TBC1D30: variants seen among roughly 807,000 people sequenced by gnomAD.
TBC1D30 encodes TBC1 domain family, member 30.
TBC1D30 carries 31 observed loss-of-function variants against 63.2 expected under a neutral mutation model. That is an observed-to-expected ratio of 0.49 (90% CI 0.37 to 0.66). The LOEUF (loss-of-function observed/expected upper bound fraction) is 0.66. TBC1D30 is among the 30% of genes least tolerant of loss of function. The pLI is 0.00. For missense variants in TBC1D30, 810 were observed against 953.6 expected (o/e 0.85, Z 1.98); for synonymous variants, 307 against 361.5 (o/e 0.85, Z 1.71).
In TBC1D30 at chr12:64,870,823, C is replaced by G; in HGVS notation, c.1498+15C>G. 6.5e-7 allele frequency: 1 copy of G among 1,534,830 alleles called. No homozygotes were observed. On this transcript the variant is annotated intron_variant, in intron 11 of 11. Transcript: ENST00000539867. Reference sequence around the variant, plus strand: ...CATCAGGGCAGGTAATGTGATTCTTCATTTGAATCAATTTCAGCTCTATCT... The same window carrying G: ...CATCAGGGCAGGTAATGTGATTCTTGATTTGAATCAATTTCAGCTCTATCT...
intron 5 of TBC1D30, among the ~76,000 whole-genome samples, chr12:64,834,717 T>C (rs1295381285): frequency 6.8e-6 from 1 of 147,424 alleles, no homozygotes; most frequent in African/African-American, 2.5e-5. Flanking sequence ...CTTTTTTTTT[T>C]TTTTTTTTTT....
intron 2 of TBC1D30, among the ~76,000 whole-genome samples, chr12:64,812,355 A>C (rs1035094538): frequency 6.6e-6 from 1 of 152,214 alleles, no homozygotes; most frequent in Non-Finnish European, 1.5e-5. Context: ...CAATTGGTAT[A>C]TGGCAGTAGT....
At chr12:64,861,398 A>AT (rs200431580) in intron 8 of TBC1D30, among the ~76,000 whole-genome samples, 214 of 151,528 alleles carry the variant, frequency 1.4e-3, no homozygotes, top group African/African-American at 3.1e-3. Flanking sequence ...ATATTCATTC[A>AT]TTTTTTTTTA....
intron 3 of TBC1D30, among the ~76,000 whole-genome samples, chr12:64,829,768 G>T (rs1209592025): frequency 6.6e-6 from 1 of 152,080 alleles, no homozygotes; most frequent in Non-Finnish European, 1.5e-5. Context: ...AAAATTGAGG[G>T]TTCCTCAAAA....
chr12:64,868,795 G>T (rs1182791357), intron 10 of TBC1D30: 1 of 168,242 alleles, frequency 5.9e-6, no homozygotes, highest in Non-Finnish European at 1.3e-5. Flanking sequence ...AATCTTTGAG[G>T]ACAGCTATCA....
At chr12:64,849,336 A>G (rs946391309) in intron 8 of TBC1D30, among the ~76,000 whole-genome samples, 2 of 152,264 alleles carry the variant, frequency 1.3e-5, no homozygotes, top group South Asian at 2.1e-4. Context: ...TGTTTTAGTC[A>G]TGAAGTCTTT....
intron 2 of TBC1D30, among the ~76,000 whole-genome samples, chr12:64,792,371 T>C (rs1470234427): frequency 6.6e-6 from 1 of 152,220 alleles, no homozygotes; most frequent in Non-Finnish European, 1.5e-5. Context: ...TATATGGTTC[T>C]GAAAAACAGA....
chr12:64,770,051 C>T (rs888119730), intron 1 of TBC1D30, among the ~76,000 whole-genome samples: 1 of 152,138 alleles, frequency 6.6e-6, no homozygotes, highest in Non-Finnish European at 1.5e-5. Flanking sequence ...CATTCTATCA[C>T]CGTATCTCTA....
intron 1 of TBC1D30, 106 bp from the exon 2 acceptor site, chr12:64,827,729 T>TA (rs1271678832): frequency 5.2e-5 from 43 of 826,366 alleles, no homozygotes; most frequent in Non-Finnish European, 6.5e-5. Flanking sequence ...ATACATACTT[T>TA]AAAAAAAATT....
chr12:64,816,321 C>T (rs370571734), intron 2 of TBC1D30, among the ~76,000 whole-genome samples: 3 of 152,144 alleles, frequency 2.0e-5, no homozygotes, highest in South Asian at 4.1e-4. Context: ...CATGCATGAG[C>T]CCCGGCATCC....
At position 64,878,355 on chromosome 12, in the gene TBC1D30, C is replaced by T; in HGVS notation, c.*2567C>T. On this transcript the variant is annotated 3_prime_UTR_variant, in exon 12 of 12. Coordinates refer to ENST00000539867, the MANE Select transcript of TBC1D30 (RefSeq NM_015279.2). ...CTTGCTATCTTCCCTATGTATTGGACACTGTATGCAAACACCAGAAGTACT... is the reference window on the plus strand; with the variant it reads ...CTTGCTATCTTCCCTATGTATTGGATACTGTATGCAAACACCAGAAGTACT... 1 of 444,252 alleles carries T rather than the reference C, an allele frequency of 2.3e-6. No homozygotes were observed. The highest frequency in any genetic ancestry group is 4.5e-6 in the Non-Finnish European group (1 of 220,566). 27.5% of individuals were successfully genotyped at this position (444,252 alleles called of 1,614,324 possible).
At position 64,838,864 on chromosome 12, in the gene TBC1D30, C is replaced by T; in HGVS notation, c.932+13C>T. The T allele has an allele frequency of 6.5e-7, 1 of 1,535,678 alleles. No individual in the cohort carries two copies. The highest frequency in any genetic ancestry group is 8.7e-7 in the Non-Finnish European group (1 of 1,146,628). ...CAAAATTAGGAGAGTAAGTGATTTC[C>T]ACCTTCTGCTCTGTTCTGTGATGTT... On this transcript the variant is annotated intron_variant, in intron 7 of 11. Coordinates refer to ENST00000539867, the MANE Select transcript of TBC1D30 (RefSeq NM_015279.2).
chr12:64,844,032 G>GT, intron 8 of TBC1D30, among the ~76,000 whole-genome samples: 1 of 152,190 alleles, frequency 6.6e-6, no homozygotes, highest in African/African-American at 2.4e-5. Context: ...AGACTCAAGT[G>GT]ATCCTCCCAC....
intron 7 of TBC1D30, among the ~76,000 whole-genome samples, chr12:64,839,184 G>T: frequency 6.6e-6 from 1 of 152,236 alleles, no homozygotes; most frequent in African/African-American, 2.4e-5. Context: ...CTGGTTAGGA[G>T]TAGGTGAATT....
Position 64,870,673 on chromosome 12 carries a change from C to T in TBC1D30, c.1363C>T (p.Arg455Ter), listed in dbSNP as rs1330542816. 3.3e-6 allele frequency: 5 copies of T among 1,536,058 alleles called. No individual in the cohort carries two copies. Among genetic ancestry groups the T allele is most frequent in the Admixed American group, 2.0e-5 (1 of 50,986 alleles). The change falls in exon 11 of 12, where the codon CGA becomes TGA. Residue 455 changes from arginine to a stop codon, truncating the protein, a stop_gained. Coordinates refer to ENST00000539867, the MANE Select transcript of TBC1D30 (RefSeq NM_015279.2). LOFTEE classifies it high-confidence loss of function. ...GAGTCCAGGAGCAATCAATTCCTGT[C>T]GAAGTGAATACCATGCAGCTTTTAA... Reference protein sequence around the residue: ...ELSPGAINSCRSEYHAAFNSM... With the variant: ...ELSPGAINSC
chr12:64,811,055 C>T (rs2136329903), intron 2 of TBC1D30, among the ~76,000 whole-genome samples: 1 of 152,280 alleles, frequency 6.6e-6, no homozygotes, highest in Middle Eastern at 3.4e-3. Context: ...GAACAAAGTT[C>T]ATTTGGAATC....
chr12:64,870,806 C>A lies in TBC1D30; in HGVS notation c.1496C>A (p.Ala499Glu), dbSNP rs1169364549. 3.9e-6 allele frequency: 6 copies of A among 1,535,814 alleles called. No homozygotes were observed. The highest frequency in any genetic ancestry group is 1.4e-5 in the African/African-American group (1 of 73,020). ...QQQVHQVYIR[A>E]DKGPVTSILP... ...CAGGTTCATCAGGTGTACATCAGGG[C>A]AGGTAATGTGATTCTTCATTTGAAT... The change falls in exon 11 of 12, where the codon GCA becomes GAA. Residue 499 changes from alanine (A) to glutamate (E), a missense_variant and splice_region_variant. This residue lies in a region of TBC1D30 where 450 missense variants were observed against 473.0 expected (regional missense o/e 0.95). Coordinates refer to ENST00000539867, the MANE Select transcript of TBC1D30 (RefSeq NM_015279.2).
chr12:64,851,498 TCTTTTA>T (rs1470585235), intron 8 of TBC1D30, among the ~76,000 whole-genome samples: 1 of 152,250 alleles, frequency 6.6e-6, no homozygotes, highest in Non-Finnish European at 1.5e-5. Context: ...CCAGTCTGTG[TCTTTTA>T]ATTGGGGCAT....
At chr12:64,765,645 T>C (rs1296659523) in intron 1 of TBC1D30, among the ~76,000 whole-genome samples, 1 of 151,580 alleles carries the variant, frequency 6.6e-6, no homozygotes, top group Non-Finnish European at 1.5e-5. Flanking sequence ...AAACTCCTAT[T>C]ATAACTTGTT....
Sources: gnomAD v4.1 joint callset for allele counts (sites outside exome capture counted in the v4.1 genomes callset) on GRCh38, gnomAD v4.1.1 for gene constraint, gnomAD v4.1.1 regional missense constraint, MANE v1.5 for transcripts, NCBI Gene and HGNC (gene_info 2026-07-23, HGNC 2026-07-21) for gene names.